The following COX10 variants were observed in gnomAD, a reference collection of about 807,000 sequenced individuals.
COX10 encodes protoheme IX farnesyltransferase, mitochondrial.
Under a neutral mutation model 37.3 loss-of-function variants are expected in COX10, and 27 were observed. The ratio of observed to expected loss-of-function variants is 0.72; its 90% confidence interval spans 0.53 to 1.00. COX10 has a LOEUF of 1.00. Among genes scored for constraint, COX10 ranks in the 50% least tolerant of loss-of-function variants. The probability of loss-of-function intolerance (pLI) is 0.00; values close to 1 mark genes in which losing one functional copy is unlikely to be tolerated. For missense variants in COX10, 475 were observed against 563.2 expected (o/e 0.84, Z 1.59); for synonymous variants, 222 against 229.1 (o/e 0.97, Z 0.28).
chr17:14,145,630 G>A (rs1157222496), intron 4 of COX10, among the ~76,000 whole-genome samples: 2 of 152,144 alleles, frequency 1.3e-5, no homozygotes, highest in Admixed American at 1.3e-4. Context: ...TGTAAGCCGT[G>A]TTAGAGCATT....
intron 4 of COX10, among the ~76,000 whole-genome samples, chr17:14,127,151 G>A (rs1353089027): frequency 6.6e-6 from 1 of 152,060 alleles, no homozygotes; most frequent in Non-Finnish European, 1.5e-5. Flanking sequence ...TTAATTTTAA[G>A]GAAAGGCATA....
At chr17:14,146,927 A>G (rs760919739) in intron 4 of COX10, among the ~76,000 whole-genome samples, 1 of 152,200 alleles carries the variant, frequency 6.6e-6, no homozygotes, top group Non-Finnish European at 1.5e-5. Context: ...AGAAATGCAA[A>G]TCAAAACTAC....
At chr17:14,167,894 C>T (rs1220033823) in intron 5 of COX10, among the ~76,000 whole-genome samples, 2 of 152,148 alleles carry the variant, frequency 1.3e-5, no homozygotes, top group African/African-American at 4.8e-5. Context: ...ACCCCTGGCT[C>T]CTCCCAAATC....
At chr17:14,105,413 C>A (rs1246469328) in intron 4 of COX10, among the ~76,000 whole-genome samples, 1 of 152,150 alleles carries the variant, frequency 6.6e-6, no homozygotes, top group Non-Finnish European at 1.5e-5. Flanking sequence ...CCAGTTAAAG[C>A]ACACATGAAA....
chr17:14,205,024 T>C (rs754403117), intron 6 of COX10, among the ~76,000 whole-genome samples: 1 of 152,132 alleles, frequency 6.6e-6, no homozygotes, highest in Non-Finnish European at 1.5e-5. Context: ...GGAGGATGAC[T>C]TGAGCCCAAG....
At chr17:14,140,869 AAAGCTTTTAACAGAATT>A (rs1904519449) in intron 4 of COX10, among the ~76,000 whole-genome samples, 1 of 152,150 alleles carries the variant, frequency 6.6e-6, no homozygotes, top group Non-Finnish European at 1.5e-5. Flanking sequence ...TTCTTTTAAA[AAAGCTTTTAACAGAATT>A]AATAAGTCAT....
chr17:14,186,002 A>G (rs1446692745), intron 5 of COX10, among the ~76,000 whole-genome samples: 1 of 152,136 alleles, frequency 6.6e-6, no homozygotes, highest in Non-Finnish European at 1.5e-5. Flanking sequence ...AATCTGGAAG[A>G]TAGATTAAAG....
chr17:14,076,402 A>G (rs1915152793), intron 2 of COX10, among the ~76,000 whole-genome samples: 2 of 151,428 alleles, frequency 1.3e-5, no homozygotes, highest in Admixed American at 1.3e-4. Context: ...AAACTTTTTT[A>G]TTGTATTTGG....
intron 4 of COX10, among the ~76,000 whole-genome samples, chr17:14,120,250 A>C (rs1184089685): frequency 6.6e-6 from 1 of 152,154 alleles, no homozygotes; most frequent in African/African-American, 2.4e-5. Flanking sequence ...CATCAAGTGG[A>C]TAGATGGATA....
At chr17:14,105,736 C>T (rs1036978028) in intron 4 of COX10, among the ~76,000 whole-genome samples, 3 of 152,078 alleles carry the variant, frequency 2.0e-5, no homozygotes, top group Admixed American at 6.6e-5. Flanking sequence ...GGACATTGTT[C>T]TGTGTTAGAG....
At chr17:14,073,085 T>A (rs1285608287) in intron 1 of COX10, among the ~76,000 whole-genome samples, 1 of 152,140 alleles carries the variant, frequency 6.6e-6, no homozygotes, top group Non-Finnish European at 1.5e-5. Flanking sequence ...TCATGGGCGA[T>A]GTTGCTTTGG....
intron 3 of COX10, among the ~76,000 whole-genome samples, chr17:14,100,832 A>AT (rs35081647): frequency 0.68 from 104,091 of 151,984 alleles, 35,823 homozygotes; most frequent in East Asian, 0.77. Flanking sequence ...TAAAGCTCTT[A>AT]TGGCAATTGC....
At chr17:14,156,680 C>G (rs965247059) in intron 4 of COX10, among the ~76,000 whole-genome samples, 1 of 152,256 alleles carries the variant, frequency 6.6e-6, no homozygotes, top group African/African-American at 2.4e-5. Context: ...GAGTGCTTGT[C>G]CCTCCTACCC....
chr17:14,111,744 G>A (rs73265461), intron 4 of COX10, among the ~76,000 whole-genome samples: 9,366 of 152,142 alleles, frequency 0.062, 554 homozygotes, highest in African/African-American at 0.16. Context: ...ATGCCATTGT[G>A]TCATATTGCT....
intron 3 of COX10, among the ~76,000 whole-genome samples, chr17:14,084,664 C>A (rs1039336651): frequency 6.6e-6 from 1 of 152,018 alleles, no homozygotes; most frequent in Non-Finnish European, 1.5e-5. Flanking sequence ...AATAACCAGG[C>A]TTTTTATTTT....
chr17:14,144,273 T>A (rs993662545), intron 4 of COX10, among the ~76,000 whole-genome samples: 1 of 152,304 alleles, frequency 6.6e-6, no homozygotes, highest in African/African-American at 2.4e-5. Flanking sequence ...GTTTTTTGTT[T>A]GTTTGTTTTT....
At chr17:14,177,315 G>GA (rs957867859) in intron 5 of COX10, 37 of 664,324 alleles carry the variant, frequency 5.6e-5, no homozygotes, top group Admixed American at 1.0e-4. Context: ...GACACAAAAG[G>GA]AAAAAAAAGA....
At chr17:14,187,100 G>A (rs1187613765) in intron 5 of COX10, among the ~76,000 whole-genome samples, 2 of 151,956 alleles carry the variant, frequency 1.3e-5, no homozygotes, top group African/African-American at 4.8e-5. Context: ...GGTTCTAGAA[G>A]ATGGTGCTCT....
chr17:14,200,041 G>A (rs552948313), intron 6 of COX10, among the ~76,000 whole-genome samples: 83 of 152,272 alleles, frequency 5.5e-4, no homozygotes, highest in African/African-American at 1.9e-3. Flanking sequence ...CTGGAGCTAG[G>A]GTTCTTTATC....
Sources: allele counts gnomAD v4.1 joint callset (sites outside exome capture counted in the v4.1 genomes callset), GRCh38; gene constraint gnomAD v4.1.1; transcripts MANE v1.5; gene names NCBI Gene and HGNC (gene_info 2026-07-23, HGNC 2026-07-21).